Variants in EIF3H observed in about 807,000 individuals in gnomAD.
EIF3H encodes eukaryotic translation initiation factor 3 subunit H.
In EIF3H, 26 loss-of-function variants were observed where a neutral mutation model predicts 44.2. The observed-to-expected ratio is 0.59, with a 90% confidence interval of 0.43 to 0.82. EIF3H has a LOEUF of 0.82. Among genes scored for constraint, EIF3H ranks in the 40% least tolerant of loss-of-function variants. The probability of loss-of-function intolerance (pLI) is 0.00; values close to 1 mark genes in which losing one functional copy is unlikely to be tolerated. For missense variants in EIF3H, 359 were observed against 432.8 expected (o/e 0.83, Z 1.51); for synonymous variants, 166 against 151.9 (o/e 1.09, Z -0.68).
chr8:116,743,833 CACACATAT>C (rs1414613328), intron 1 of EIF3H, among the ~76,000 whole-genome samples: 1 of 107,928 alleles, frequency 9.3e-6, no homozygotes, highest in Admixed American at 9.5e-5. Flanking sequence ...CACACACACA[CACACATAT>C]ATAAATAAGT....
chr8:116,690,955 C>T (rs933557871), intron 2 of EIF3H, among the ~76,000 whole-genome samples: 11 of 152,208 alleles, frequency 7.2e-5, no homozygotes, highest in African/African-American at 2.7e-4. Context: ...TAAGTCCATA[C>T]TAATTTTCAC....
intron 1 of EIF3H, among the ~76,000 whole-genome samples, chr8:116,747,756 T>C (rs1311700840): frequency 1.3e-5 from 2 of 152,202 alleles, no homozygotes; most frequent in Non-Finnish European, 2.9e-5. Flanking sequence ...ACAAAAAATC[T>C]ACAGTGACAC....
intron 2 of EIF3H, among the ~76,000 whole-genome samples, chr8:116,678,851 G>A (rs1048626439): frequency 2.1e-5 from 3 of 144,846 alleles, no homozygotes; most frequent in Non-Finnish European, 1.5e-5. Flanking sequence ...CACCCCGACC[G>A]GGAGGGAGGT....
chr8:116,744,825 G>A (rs1815205137), intron 1 of EIF3H, among the ~76,000 whole-genome samples: 1 of 152,276 alleles, frequency 6.6e-6, no homozygotes, highest in Non-Finnish European at 1.5e-5. Context: ...TCTAAGAAAC[G>A]ACCTATGGTA....
intron 1 of EIF3H, among the ~76,000 whole-genome samples, chr8:116,728,860 A>C (rs1814900068): frequency 6.6e-6 from 1 of 152,222 alleles, no homozygotes; most frequent in Non-Finnish European, 1.5e-5. Flanking sequence ...TCATAGCATT[A>C]CTGACACTAC....
intron 2 of EIF3H, among the ~76,000 whole-genome samples, chr8:116,719,587 TAA>T (rs1468928378): frequency 1.3e-5 from 2 of 152,168 alleles, no homozygotes; most frequent in Non-Finnish European, 2.9e-5. Context: ...ACAGTCATTC[TAA>T]AGGGTTGAGG....
At chr8:116,697,168 G>A (rs1240656951) in intron 2 of EIF3H, 1 of 456,162 alleles carries the variant, frequency 2.2e-6, no homozygotes, top group African/African-American at 2.0e-5. Flanking sequence ...CCAAACCTGT[G>A]CCTCTTCTCC....
At chr8:116,705,224 G>C (rs193265037) in intron 2 of EIF3H, among the ~76,000 whole-genome samples, 1 of 152,004 alleles carries the variant, frequency 6.6e-6, no homozygotes, top group Non-Finnish European at 1.5e-5. Context: ...TATAGATAAA[G>C]GCACAGAATA....
At chr8:116,708,431 C>A (rs1316622674) in intron 2 of EIF3H, among the ~76,000 whole-genome samples, 1 of 151,864 alleles carries the variant, frequency 6.6e-6, no homozygotes, top group East Asian at 1.9e-4. Context: ...AAATACATAA[C>A]AAAGATACCA....
Position 116,704,717 on chromosome 8 carries a change from C to T in EIF3H, c.289+21299G>A, listed in dbSNP as rs533154318. Among the ~76,000 whole-genome samples the T allele has an allele frequency of 5.3e-5, 8 of 152,300 alleles. No homozygotes were observed. In the South Asian group the frequency reaches 1.7e-3, roughly 32 times the overall value. On this transcript the variant is annotated intron_variant, in intron 2 of 7. Coordinates refer to ENST00000521861, the MANE Select transcript of EIF3H (RefSeq NM_003756.3). ...ACAAAGGAATAGCCCTAAAATTTTACTGTTTCTTTTCCTATTATTTTTAAC... is the reference window on the plus strand; with the variant it reads ...ACAAAGGAATAGCCCTAAAATTTTATTGTTTCTTTTCCTATTATTTTTAAC...
intron 2 of EIF3H, among the ~76,000 whole-genome samples, chr8:116,663,127 C>A (rs1181265670): frequency 1.3e-5 from 2 of 152,176 alleles, no homozygotes; most frequent in African/African-American, 4.8e-5. Context: ...TCATATGCAA[C>A]CAGTCCTCAC....
chr8:116,698,603 T>C (rs1205419129), intron 2 of EIF3H, among the ~76,000 whole-genome samples: 3 of 152,340 alleles, frequency 2.0e-5, no homozygotes, highest in South Asian at 2.1e-4. Context: ...TAGATATCAA[T>C]TGTCTCTGTT....
chr8:116,701,196 G>A (rs1045019684), intron 2 of EIF3H, among the ~76,000 whole-genome samples: 5 of 152,024 alleles, frequency 3.3e-5, no homozygotes, highest in African/African-American at 7.2e-5. Flanking sequence ...CTTTAGCTTC[G>A]TATGCAATTC....
intron 2 of EIF3H, chr8:116,689,024 A>G: frequency 4.8e-6 from 2 of 413,384 alleles, no homozygotes; most frequent in Non-Finnish European, 9.8e-6. Flanking sequence ...AGCATTATTC[A>G]TAATAGGCAA....
chr8:116,713,487 C>A (rs1014253950), intron 2 of EIF3H, among the ~76,000 whole-genome samples: 2 of 152,000 alleles, frequency 1.3e-5, no homozygotes, highest in Admixed American at 6.5e-5. Flanking sequence ...GAAGTAAATG[C>A]AAAAATATTT....
chr8:116,761,977 C>T (rs1815523628), intron 1 of EIF3H, among the ~76,000 whole-genome samples: 1 of 152,170 alleles, frequency 6.6e-6, no homozygotes, highest in Non-Finnish European at 1.5e-5. Context: ...AAATTCAAAT[C>T]AAATTGTTTA....
chr8:116,693,336 G>A (rs993517243), intron 2 of EIF3H, among the ~76,000 whole-genome samples: 5 of 152,184 alleles, frequency 3.3e-5, no homozygotes, highest in African/African-American at 9.7e-5. Flanking sequence ...CTCCTTAAGA[G>A]TGAGGAGTGC....
chr8:116,700,453 G>A (rs943851243), intron 2 of EIF3H, among the ~76,000 whole-genome samples: 1 of 151,592 alleles, frequency 6.6e-6, no homozygotes, highest in Non-Finnish European at 1.5e-5. Context: ...TAGTGTTAGT[G>A]TATTTTATGT....
intron 2 of EIF3H, among the ~76,000 whole-genome samples, chr8:116,668,439 C>T (rs1813701987): frequency 1.3e-5 from 2 of 152,132 alleles, no homozygotes; most frequent in African/African-American, 4.8e-5. Context: ...ACGAATTATT[C>T]AATGCATACA....
Sources: allele counts gnomAD v4.1 joint callset (sites outside exome capture counted in the v4.1 genomes callset), GRCh38; gene constraint gnomAD v4.1.1; transcripts MANE v1.5; gene names NCBI Gene and HGNC (gene_info 2026-07-23, HGNC 2026-07-21).